CSMD1: variants seen among roughly 807,000 people sequenced by gnomAD.
CSMD1 encodes CUB and Sushi multiple domains 1, also known as CUB and sushi domain-containing protein 1.
CSMD1 carries 213 observed loss-of-function variants against 417.5 expected under a neutral mutation model. The ratio of observed to expected loss-of-function variants is 0.51; its 90% CI spans 0.46 to 0.57. The LOEUF (loss-of-function observed/expected upper bound fraction) is 0.57. CSMD1 is among the 20% of genes least tolerant of loss of function. The pLI is 0.00. For missense variants in CSMD1, 6,923 were observed against 4,529.7 expected (o/e 1.53, Z -15.17); for synonymous variants, 2,862 against 1,736.8 (o/e 1.65, Z -16.11).
intron 1 of CSMD1, among the ~76,000 whole-genome samples, chr8:4,658,468 A>G (rs1200227971): frequency 6.6e-6 from 1 of 152,178 alleles, no homozygotes; most frequent in African/African-American, 2.4e-5. Context: ...CAGTGACGCA[A>G]AAAAGCAAAA....
intron 10 of CSMD1, among the ~76,000 whole-genome samples, chr8:3,497,785 C>G (rs1356494390): frequency 2.0e-5 from 3 of 152,098 alleles, no homozygotes; most frequent in Non-Finnish European, 4.4e-5. Flanking sequence ...TTTTGCACAT[C>G]CTCTATTCCA....
intron 3 of CSMD1, among the ~76,000 whole-genome samples, chr8:4,189,638 C>T (rs549162940): frequency 2.6e-5 from 4 of 152,266 alleles, no homozygotes; most frequent in South Asian, 4.1e-4. Flanking sequence ...AAAGACCCTT[C>T]TACTGATGTT....
intron 25 of CSMD1, among the ~76,000 whole-genome samples, chr8:3,302,669 G>T (rs1431190046): frequency 3.9e-5 from 6 of 152,318 alleles, no homozygotes; most frequent in African/African-American, 1.4e-4. Context: ...GCAGTCACCA[G>T]CAGATGTTGA....
At chr8:4,233,774 C>A (rs1354995323) in intron 3 of CSMD1, among the ~76,000 whole-genome samples, 2 of 152,206 alleles carry the variant, frequency 1.3e-5, no homozygotes, top group African/African-American at 2.4e-5. Flanking sequence ...CAAATAATAT[C>A]TGAGAAGAAG....
At chr8:3,235,769 C>T (rs979887751) in intron 26 of CSMD1, among the ~76,000 whole-genome samples, 2 of 151,958 alleles carry the variant, frequency 1.3e-5, no homozygotes, top group Non-Finnish European at 2.9e-5. Context: ...TAGTTCTCAA[C>T]CCAATTTTTA....
At chr8:3,280,903 A>G (rs1032664345) in intron 26 of CSMD1, among the ~76,000 whole-genome samples, 2 of 152,190 alleles carry the variant, frequency 1.3e-5, no homozygotes, top group African/African-American at 4.8e-5. Flanking sequence ...AGAATCATGA[A>G]TATATAGAAA....
intron 7 of CSMD1, among the ~76,000 whole-genome samples, chr8:3,699,528 T>A (rs1333124123): frequency 2.6e-5 from 4 of 152,234 alleles, no homozygotes; most frequent in Non-Finnish European, 5.9e-5. Context: ...CCTACGGCTT[T>A]CCATCCTCTA....
intron 1 of CSMD1, among the ~76,000 whole-genome samples, chr8:4,715,808 C>G (rs950558242): frequency 1.3e-5 from 2 of 152,190 alleles, no homozygotes; most frequent in African/African-American, 4.8e-5. Context: ...CCTCCTATCT[C>G]TAGCACTACC....
intron 3 of CSMD1, among the ~76,000 whole-genome samples, chr8:4,325,649 CACA>C (rs1431984174): frequency 2.0e-5 from 3 of 152,094 alleles, no homozygotes; most frequent in Admixed American, 6.6e-5. Flanking sequence ...ACCCAAATTA[CACA>C]ACAACCATCA....
chr8:3,090,421 G>A (rs185969800), intron 48 of CSMD1, among the ~76,000 whole-genome samples: 1 of 151,230 alleles, frequency 6.6e-6, no homozygotes, highest in Admixed American at 6.6e-5. Context: ...TTGCAGCAAA[G>A]GTCTGAGTAT....
At chr8:3,778,316 C>T (rs1799002327) in intron 5 of CSMD1, among the ~76,000 whole-genome samples, 1 of 152,204 alleles carries the variant, frequency 6.6e-6, no homozygotes, top group Admixed American at 6.5e-5. Flanking sequence ...TCTCCTGTTA[C>T]ATTTTCCCCA....
Position 3,526,149 on chromosome 8 carries a change from C to G in CSMD1, c.1345-32423G>C, listed in dbSNP as rs772323512. Among the ~76,000 whole-genome samples the G allele has an allele frequency of 7.2e-5, 11 of 152,076 alleles. No individual in the cohort carries two copies. In the South Asian group the frequency reaches 1.4e-3, roughly 20 times the overall value. Reference sequence around the variant, plus strand: ...TTTAGAAATTGAAAGTGGCAAGTTTCAATTAATTCAGAAATGTGGCATATA... The same window carrying G: ...TTTAGAAATTGAAAGTGGCAAGTTTGAATTAATTCAGAAATGTGGCATATA... On this transcript the variant is annotated intron_variant, in intron 10 of 69. Transcript: ENST00000635120.
intron 3 of CSMD1, among the ~76,000 whole-genome samples, chr8:4,161,338 C>A (rs1220386981): frequency 6.6e-6 from 1 of 152,198 alleles, no homozygotes; most frequent in South Asian, 2.1e-4. Flanking sequence ...GGGCTAAAAT[C>A]CCGGTCTCTT....
At chr8:3,647,161 C>G (rs1196545751) in intron 7 of CSMD1, among the ~76,000 whole-genome samples, 1 of 152,084 alleles carries the variant, frequency 6.6e-6, no homozygotes, top group Admixed American at 6.5e-5. Context: ...GGATGGTCCT[C>G]CGGTGCAACT....
intron 3 of CSMD1, among the ~76,000 whole-genome samples, chr8:4,165,642 A>G: frequency 6.6e-6 from 1 of 152,128 alleles, no homozygotes; most frequent in East Asian, 1.9e-4. Flanking sequence ...GACACAAGGG[A>G]TCATTGAACC....
At chr8:4,850,195 A>AT (rs1801384435) in intron 1 of CSMD1, among the ~76,000 whole-genome samples, 1 of 152,014 alleles carries the variant, frequency 6.6e-6, no homozygotes, top group African/African-American at 2.4e-5. Flanking sequence ...TCATTAACCT[A>AT]TTTTTTAACT....
In CSMD1 at chr8:4,212,769, T is replaced by A. The variant is rs918063978; in HGVS notation, c.416-180670A>T. On this transcript the variant is annotated intron_variant, in intron 3 of 69. Coordinates refer to ENST00000635120, the MANE Select transcript of CSMD1 (RefSeq NM_033225.6). ...CCTTATTCTTTTTTTTTTTTTTTTTTTTTTTTTACAAGCTATTGAACAATC... is the reference window on the plus strand; with the variant it reads ...CCTTATTCTTTTTTTTTTTTTTTTTATTTTTTTACAAGCTATTGAACAATC... Among the ~76,000 whole-genome samples, 45 of 147,178 alleles carry A rather than the reference T, an allele frequency of 3.1e-4. 1 individual carries two copies. The highest frequency in any genetic ancestry group is 1.0e-3 in the African/African-American group (40 of 39,938).
chr8:3,949,383 A>G (rs977762572), intron 5 of CSMD1, among the ~76,000 whole-genome samples: 1 of 152,172 alleles, frequency 6.6e-6, no homozygotes, highest in African/African-American at 2.4e-5. Context: ...GGAAACAACC[A>G]CTTTACTTCT....
chr8:4,302,148 A>G (rs1391616411), intron 3 of CSMD1, among the ~76,000 whole-genome samples: 1 of 152,224 alleles, frequency 6.6e-6, no homozygotes, highest in African/African-American at 2.4e-5. Context: ...AAAACAGTTT[A>G]TGGACTTAAG....
Sources: allele counts gnomAD v4.1 joint callset (sites outside exome capture counted in the v4.1 genomes callset), GRCh38; gene constraint gnomAD v4.1.1; transcripts MANE v1.5; gene names NCBI Gene and HGNC (gene_info 2026-07-23, HGNC 2026-07-21).